Variants in SYK observed in about 807,000 individuals in gnomAD.
SYK encodes tyrosine-protein kinase SYK.
SYK carries 16 observed loss-of-function variants against 77.8 expected under a neutral mutation model. The ratio of observed to expected loss-of-function variants is 0.21; its 90% CI spans 0.14 to 0.31. The LOEUF (loss-of-function observed/expected upper bound fraction) is 0.31, where lower values mean the gene tolerates loss of function less well. Ranked by LOEUF, SYK falls within the 10% of genes least tolerant of loss-of-function variation. The probability of loss-of-function intolerance (pLI) is 1.00; values close to 1 mark genes in which losing one functional copy is unlikely to be tolerated. For missense variants in SYK, 529 were observed against 814.4 expected (o/e 0.65, Z 4.26); for synonymous variants, 312 against 308.7 (o/e 1.01, Z -0.11).
chr9:90,872,232 A>G (rs1827757734), intron 7 of SYK, among the ~76,000 whole-genome samples: 1 of 152,216 alleles, frequency 6.6e-6, no homozygotes, highest in South Asian at 2.1e-4. Flanking sequence ...GAGAGGCTGC[A>G]ACCCCAGGAT....
intron 1 of SYK, among the ~76,000 whole-genome samples, chr9:90,842,799 A>C (rs1366370647): frequency 6.9e-6 from 1 of 145,364 alleles, no homozygotes; most frequent in African/African-American, 2.6e-5. Flanking sequence ...GTGTGTGTGT[A>C]CCATGAGGGA....
chr9:90,886,450 A>G (rs1828582772), intron 11 of SYK, among the ~76,000 whole-genome samples: 1 of 151,052 alleles, frequency 6.6e-6, no homozygotes, highest in African/African-American at 2.4e-5. Flanking sequence ...CACACCTGTA[A>G]TCCCAGCAGT....
intron 1 of SYK, among the ~76,000 whole-genome samples, chr9:90,815,762 G>A (rs1348741063): frequency 1.3e-5 from 2 of 152,246 alleles, no homozygotes; most frequent in African/African-American, 2.4e-5. Context: ...ACGTGAAAAG[G>A]GGAATGTGCT....
rs144065002 is a variant in SYK at position 90,819,924 on chromosome 9, A to G, written c.-42+18031A>G. ...GCAAGCTAGTTACTTCCTAGATACA[A>G]TGGGGGTACAGGTATTGGGTAAATA... On this transcript the variant is annotated intron_variant, in intron 1 of 13. Transcript: ENST00000375754. Among the ~76,000 whole-genome samples the G allele has an allele frequency of 7.7e-3, 1,168 of 152,332 alleles. 12 individuals are homozygous for G. The highest frequency in any genetic ancestry group is 0.027 in the African/African-American group (1,124 of 41,570).
chr9:90,893,225 C>T (rs956165940), intron 13 of SYK, among the ~76,000 whole-genome samples: 4 of 152,094 alleles, frequency 2.6e-5, no homozygotes, highest in Non-Finnish European at 5.9e-5. Context: ...AAGGAGGGCA[C>T]AGGGGCCTGG....
At chr9:90,837,421 C>A (rs1032727914) in intron 1 of SYK, among the ~76,000 whole-genome samples, 2 of 152,050 alleles carry the variant, frequency 1.3e-5, no homozygotes, top group African/African-American at 2.4e-5. Context: ...TAGGCCGAAG[C>A]AGCACCTGAG....
intron 12 of SYK, among the ~76,000 whole-genome samples, chr9:90,888,269 A>T (rs1828653005): frequency 6.6e-6 from 1 of 152,214 alleles, no homozygotes; most frequent in Non-Finnish European, 1.5e-5. Flanking sequence ...CAAATGAAAC[A>T]TACCCATGAA....
At chr9:90,892,162 C>G (rs1011772403) in intron 13 of SYK, among the ~76,000 whole-genome samples, 1 of 152,104 alleles carries the variant, frequency 6.6e-6, no homozygotes, top group Non-Finnish European at 1.5e-5. Flanking sequence ...AATCTTTAGA[C>G]AAAGAACCAT....
chr9:90,879,405 C>T (rs1302174120), intron 11 of SYK, among the ~76,000 whole-genome samples: 1 of 152,220 alleles, frequency 6.6e-6, no homozygotes. Flanking sequence ...TCTGATAGGA[C>T]ATTTCATAAC....
chr9:90,862,170 G>A, intron 3 of SYK, 36 bp from the exon 4 acceptor site: 1 of 1,559,460 alleles, frequency 6.4e-7, no homozygotes, highest in Non-Finnish European at 8.7e-7. Flanking sequence ...GAGACTGGCG[G>A]GCCTGGGGAT....
At chr9:90,873,133 A>G (rs1025178261) in intron 7 of SYK, among the ~76,000 whole-genome samples, 2 of 152,318 alleles carry the variant, frequency 1.3e-5, no homozygotes, top group South Asian at 2.1e-4. Flanking sequence ...TTGTGACCTC[A>G]TTATTCTGCT....
intron 9 of SYK, among the ~76,000 whole-genome samples, chr9:90,876,418 CAT>C (rs1564114016): frequency 2.0e-5 from 3 of 151,976 alleles, no homozygotes; most frequent in Non-Finnish European, 4.4e-5. Context: ...CACACACAAA[CAT>C]ACACACATAT....
chr9:90,817,051 T>G (rs1825316726), intron 1 of SYK, among the ~76,000 whole-genome samples: 1 of 152,190 alleles, frequency 6.6e-6, no homozygotes, highest in South Asian at 2.1e-4. Flanking sequence ...TCTTAAAACA[T>G]TATGAGTTTT....
At position 90,888,760 on chromosome 9, in the gene SYK, G is replaced by A. The variant is rs117608228; in HGVS notation, c.1835+133G>A. 5 of 678,944 alleles carry A rather than the reference G, an allele frequency of 7.4e-6. No homozygotes were observed. The African/African-American group carries it at 7.4e-5, about 10-fold the overall frequency. 42.1% of individuals were successfully genotyped at this position (678,944 alleles called of 1,614,324 possible). A position where few individuals can be genotyped will look rare whatever the true frequency, so the allele number is the denominator to read the frequency against. ...GTGCCCGCTTTCTAAACAAACAACG[G>A]TGGGGGCTGGTCTTGCTTTAGAGAC... On this transcript the variant is annotated intron_variant, in intron 13 of 13. Transcript: ENST00000375754.
intron 3 of SYK, among the ~76,000 whole-genome samples, chr9:90,861,263 T>C (rs1450346877): frequency 6.6e-6 from 1 of 152,050 alleles, no homozygotes; most frequent in African/African-American, 2.4e-5. Context: ...GGGGGTGTTG[T>C]TCCCTGCCTG....
In SYK at chr9:90,868,636, A is replaced by G. The variant is rs1827610861; in HGVS notation, c.915+1437A>G. ...ATGTTGTTTAACTTCATGAGAAGAG[A>G]AATGCAAGTTAAAACTATGGTGCTT... On this transcript the variant is annotated intron_variant, in intron 7 of 13. Transcript: ENST00000375754. Among the ~76,000 whole-genome samples, 3 of 152,208 alleles carry G rather than the reference A, an allele frequency of 2.0e-5. No homozygotes were observed. The South Asian group carries it at 6.2e-4, about 31-fold the overall frequency.
intron 3 of SYK, among the ~76,000 whole-genome samples, chr9:90,846,657 A>G (rs999753077): frequency 1.3e-5 from 1 of 78,288 alleles, no homozygotes; most frequent in Admixed American, 1.3e-4. Flanking sequence ...GCCCTGTCTC[A>G]AAAAAAGAAA....
chr9:90,874,681 G>A lies in SYK; in HGVS notation c.1013G>A (p.Arg338Lys), dbSNP rs56071116. 6.2e-6 allele frequency: 10 copies of A among 1,612,980 alleles called. No homozygotes were observed. The African/African-American group carries it at 1.1e-4, about 17-fold the overall frequency. The stretch of plus-strand genomic sequence containing the variant: ...CTTGACTGCATTGCAGGCCCCCAGA[G>A]AGAAGCCCTACCCATGGACACAGAG... ...APWAADKGPQ[R>K]EALPMDTEVY... The change falls in exon 9 of 14, where the codon AGA becomes AAA. Residue 338 changes from arginine (R) to lysine (K), a missense_variant. This residue lies in a region of SYK where 321 missense variants were observed against 433.1 expected (regional missense o/e 0.74). Coordinates refer to ENST00000375754, the MANE Select transcript of SYK (RefSeq NM_003177.7).
Position 90,877,788 on chromosome 9 carries a change from C to A in SYK, c.1391+8C>A. The stretch of plus-strand genomic sequence containing the variant: ...GTATTTGCAGCAGAACAGGTATTGT[C>A]AGGTGCCCCCACACATCTGGAAGCT... On this transcript the variant is annotated splice_region_variant and intron_variant, in intron 10 of 13. Transcript: ENST00000375754. 6.2e-7 allele frequency: 1 copy of A among 1,613,766 alleles called. No individual in the cohort carries two copies. The highest frequency in any genetic ancestry group is 1.1e-5 in the South Asian group (1 of 90,986).
Sources: allele counts gnomAD v4.1 joint callset (sites outside exome capture counted in the v4.1 genomes callset), GRCh38; gene constraint gnomAD v4.1.1; regional missense constraint gnomAD v4.1.1; transcripts MANE v1.5; gene names NCBI Gene and HGNC (gene_info 2026-07-23, HGNC 2026-07-21).